Variants in AMBRA1 observed in about 807,000 individuals in gnomAD.
The protein encoded by AMBRA1 is autophagy and beclin 1 regulator 1, also known as activating molecule in BECN1-regulated autophagy protein 1.
Under a neutral mutation model 125.4 loss-of-function variants are expected in AMBRA1, and 47 were observed. The observed-to-expected ratio is 0.37, with a 90% CI of 0.30 to 0.48. The LOEUF (loss-of-function observed/expected upper bound fraction) is 0.48. AMBRA1 is among the 20% of genes least tolerant of loss of function. AMBRA1 has a pLI of 0.99. For synonymous variants in AMBRA1, 626 were observed against 655.5 expected (o/e 0.95, Z 0.69); for missense variants, 1,331 against 1,693.4 (o/e 0.79, Z 3.76).
intron 11 of AMBRA1, among the ~76,000 whole-genome samples, chr11:46,454,346 A>G (rs943566308): frequency 9.9e-5 from 15 of 151,892 alleles, no homozygotes; most frequent in African/African-American, 2.9e-4. Context: ...AAATATTCCT[A>G]TGTATCACAG....
intron 7 of AMBRA1, among the ~76,000 whole-genome samples, chr11:46,531,635 G>A (rs1011896718): frequency 5.3e-5 from 8 of 151,942 alleles, no homozygotes; most frequent in Non-Finnish European, 1.0e-4. Flanking sequence ...ACTTGAATTC[G>A]GGAGTTGGAG....
chr11:46,545,902 T>C (rs950990336), intron 4 of AMBRA1, 126 bp from the exon 5 acceptor site: 9 of 788,134 alleles, frequency 1.1e-5, no homozygotes, highest in South Asian at 1.1e-4. Context: ...ATACATCCTC[T>C]GTAAAAAGAT....
chr11:46,553,170 T>C (rs112198143), intron 1 of AMBRA1, among the ~76,000 whole-genome samples: 2 of 152,022 alleles, frequency 1.3e-5, no homozygotes, highest in Non-Finnish European at 2.9e-5. Context: ...CTCGAACTCC[T>C]GACCTCAGGT....
chr11:46,408,511 A>G lies in AMBRA1; in HGVS notation c.3403+2T>C. On this transcript the variant is annotated splice_donor_variant, in intron 17 of 17. Transcript: ENST00000683756. LOFTEE classifies it high-confidence loss of function. ...CCCCCTCCAGCGCCACATGGCTCCT[A>G]CCTTCACCAGGACCTGAGGCGGCTG... 6.5e-7 allele frequency: 1 copy of G among 1,545,654 alleles called. No individual in the cohort carries two copies. Among genetic ancestry groups the G allele is most frequent in the Non-Finnish European group, 8.8e-7 (1 of 1,142,144 alleles).
At position 46,434,833 on chromosome 11, in the gene AMBRA1, G is replaced by T. The variant is rs375107127; in HGVS notation, c.2821+16C>A. The T allele has an allele frequency of 2.8e-5, 44 of 1,564,504 alleles. No individual in the cohort carries two copies. Among genetic ancestry groups the T allele is most frequent in the Non-Finnish European group, 3.6e-5 (42 of 1,156,094 alleles). On this transcript the variant is annotated intron_variant, in intron 13 of 17. Transcript: ENST00000683756. ...CAGCGTCCCTCTGTCATTAGGTTGG[G>T]CTTCCTATCCCTTACCAAATCGCTT...
intron 9 of AMBRA1, among the ~76,000 whole-genome samples, chr11:46,502,271 T>C (rs1352022022): frequency 6.6e-6 from 1 of 152,156 alleles, no homozygotes; most frequent in Non-Finnish European, 1.5e-5. Flanking sequence ...TTTTGTATAA[T>C]ACCACCACTC....
intron 1 of AMBRA1, among the ~76,000 whole-genome samples, chr11:46,574,195 TG>T (rs2043871621): frequency 6.9e-6 from 1 of 145,618 alleles, no homozygotes; most frequent in Admixed American, 7.0e-5. Flanking sequence ...ATAGGATGGC[TG>T]GGTGAAATGG....
intron 9 of AMBRA1, chr11:46,504,488 CT>C (rs1411326662): frequency 6.6e-6 from 1 of 152,236 alleles, no homozygotes; most frequent in Non-Finnish European, 1.5e-5. Context: ...CTTTACCCTG[CT>C]TATGAACATC....
intron 1 of AMBRA1, among the ~76,000 whole-genome samples, chr11:46,555,317 C>T (rs2043130252): frequency 6.6e-6 from 1 of 152,190 alleles, no homozygotes; most frequent in Non-Finnish European, 1.5e-5. Flanking sequence ...GTTCCTTGTG[C>T]AATCTGATTA....
intron 8 of AMBRA1, among the ~76,000 whole-genome samples, chr11:46,509,379 T>C (rs974979822): frequency 9.9e-5 from 15 of 152,184 alleles, no homozygotes; most frequent in African/African-American, 3.1e-4. Context: ...TATGATAATA[T>C]TAAATGGATT....
chr11:46,593,184 G>A (rs2044669350), intron 1 of AMBRA1, among the ~76,000 whole-genome samples: 1 of 151,294 alleles, frequency 6.6e-6, no homozygotes, highest in African/African-American at 2.5e-5. Context: ...AGGAAAATTG[G>A]GATCACAGAC....
At chr11:46,526,342 C>G (rs778942264) in intron 7 of AMBRA1, among the ~76,000 whole-genome samples, 1 of 152,132 alleles carries the variant, frequency 6.6e-6, no homozygotes, top group East Asian at 1.9e-4. Flanking sequence ...CCCTCCCACA[C>G]TGAATCTAGA....
In AMBRA1 at chr11:46,523,945, C is replaced by T. The variant is rs540164291; in HGVS notation, c.2073-11132G>A. ...GTGCAATGGCATGATCTAGGCTCAC[C>T]GCAACCTTCACCTCCTGGGTTCAAG... is the stretch of plus-strand genomic sequence containing the variant. On this transcript the variant is annotated intron_variant, in intron 7 of 17. Coordinates refer to ENST00000683756, the MANE Select transcript of AMBRA1 (RefSeq NM_001387011.1). Among the ~76,000 whole-genome samples, 7 of 152,232 alleles carry T rather than the reference C, an allele frequency of 4.6e-5. No individual in the cohort carries two copies. In the South Asian group the frequency reaches 6.2e-4, roughly 14 times the overall value.
intron 14 of AMBRA1, among the ~76,000 whole-genome samples, chr11:46,418,649 T>C (rs1946693515): frequency 6.6e-6 from 1 of 151,734 alleles, no homozygotes; most frequent in Non-Finnish European, 1.5e-5. Flanking sequence ...GAACATGCGG[T>C]GTTTGGTTTT....
chr11:46,459,731 AATACAC>A (rs1429251280), intron 11 of AMBRA1, among the ~76,000 whole-genome samples: 85 of 139,766 alleles, frequency 6.1e-4, no homozygotes, highest in Admixed American at 9.7e-4. Flanking sequence ...AGAAAAAAAA[AATACAC>A]ATACACACAC....
At chr11:46,455,025 G>A (rs1948790672) in intron 11 of AMBRA1, among the ~76,000 whole-genome samples, 3 of 151,650 alleles carry the variant, frequency 2.0e-5, no homozygotes, top group South Asian at 4.2e-4. Context: ...GACCACAGGT[G>A]TACGCCACCC....
chr11:46,592,622 G>T (rs910887238), intron 1 of AMBRA1, among the ~76,000 whole-genome samples: 1 of 152,160 alleles, frequency 6.6e-6, no homozygotes, highest in Non-Finnish European at 1.5e-5. Flanking sequence ...GCCGAGTGTG[G>T]TGGCGCGCGC....
chr11:46,450,111 T>C (rs1948507669), intron 11 of AMBRA1, among the ~76,000 whole-genome samples: 1 of 152,024 alleles, frequency 6.6e-6, no homozygotes, highest in African/African-American at 2.4e-5. Context: ...CATGGATATT[T>C]ATAGCAGCTT....
Position 46,543,208 on chromosome 11 carries a change from G to A in AMBRA1, c.809C>T (p.Pro270Leu), listed in dbSNP as rs185424742. 111 of 1,603,260 alleles carry A rather than the reference G, an allele frequency of 6.9e-5. No homozygotes were observed. The highest frequency in any genetic ancestry group is 1.9e-4 in the Admixed American group (11 of 58,404). ...STVQDSATPS[P>L]PPPPPQPSTE... is the part of the protein sequence containing the mutation. ...GGAGGGCTGAGGGGGAGGCGGTGGG[G>A]GTGAGGGGGTAGCAGAATCTTGCAC... Residue 270 changes from proline to leucine, a missense_variant, in exon 7 of 18, where the codon CCC becomes CTC. This residue lies in a region of AMBRA1 where 689 missense variants were observed against 776.5 expected (regional missense o/e 0.89). Transcript: ENST00000683756.
Sources: allele counts gnomAD v4.1 joint callset (sites outside exome capture counted in the v4.1 genomes callset), GRCh38; gene constraint gnomAD v4.1.1; regional missense constraint gnomAD v4.1.1; transcripts MANE v1.5; gene names NCBI Gene and HGNC (gene_info 2026-07-23, HGNC 2026-07-21).